Variants in ARFIP1 observed in about 807,000 individuals in gnomAD.
ARFIP1 encodes arfaptin-1.
In ARFIP1, 24 loss-of-function variants were observed where a neutral mutation model predicts 42.5. That is an observed-to-expected ratio of 0.57 (90% CI 0.41 to 0.80). The LOEUF (loss-of-function observed/expected upper bound fraction) is 0.80. Ranked by LOEUF, ARFIP1 falls within the 30% of genes least tolerant of loss-of-function variation. The pLI is 0.00. For missense variants in ARFIP1, 354 were observed against 434.0 expected (o/e 0.82, Z 1.64); for synonymous variants, 141 against 153.7 (o/e 0.92, Z 0.61).
intron 1 of ARFIP1, among the ~76,000 whole-genome samples, chr4:152,797,204 C>T (rs1731522741): frequency 6.6e-6 from 1 of 152,122 alleles, no homozygotes; most frequent in Admixed American, 6.6e-5. Context: ...ACCTAGTTTT[C>T]CTGGCACCAT....
intron 7 of ARFIP1, among the ~76,000 whole-genome samples, chr4:152,886,598 A>G (rs1736282213): frequency 6.6e-6 from 1 of 152,008 alleles, no homozygotes; most frequent in South Asian, 2.1e-4. Flanking sequence ...TCTGTCTGAG[A>G]TACCTTTTCA....
chr4:152,814,097 C>T (rs1185537503), intron 1 of ARFIP1, among the ~76,000 whole-genome samples: 1 of 110,882 alleles, frequency 9.0e-6, no homozygotes. Context: ...TCTTCTTCTT[C>T]TTTTTTTTTT....
At chr4:152,866,565 G>A (rs1386881859) in intron 3 of ARFIP1, among the ~76,000 whole-genome samples, 7 of 150,974 alleles carry the variant, frequency 4.6e-5, no homozygotes, top group Non-Finnish European at 8.9e-5. Flanking sequence ...CCTCCCTCCT[G>A]GACGGGGCGG....
intron 2 of ARFIP1, among the ~76,000 whole-genome samples, chr4:152,860,259 G>A (rs1561148675): frequency 6.6e-6 from 1 of 152,180 alleles, no homozygotes; most frequent in East Asian, 1.9e-4. Flanking sequence ...CTGGGGTTAT[G>A]CAGCCATTAA....
chr4:152,870,874 G>A lies in ARFIP1; in HGVS notation c.298+26G>A, dbSNP rs1346208726. 7 of 1,549,960 alleles carry A rather than the reference G, an allele frequency of 4.5e-6. No individual in the cohort carries two copies. The African/African-American group carries it at 9.5e-5, about 21-fold the overall frequency. On this transcript the variant is annotated intron_variant, in intron 4 of 8. Transcript: ENST00000353617. ...GTATTCACTGCACTGATTGGATAAA[G>A]CACTTATTGCTACTGCTGAAGCTAC...
At position 152,805,266 on chromosome 4, in the gene ARFIP1, A is replaced by G. The variant is rs567350691; in HGVS notation, c.-9-24359A>G. Among the ~76,000 whole-genome samples, 3 of 152,362 alleles carry G rather than the reference A, an allele frequency of 2.0e-5. No individual in the cohort carries two copies. In the East Asian group the frequency reaches 5.8e-4, roughly 29 times the overall value. ...TCTGATGTCAAGGTCTTATGTTGTA[A>G]GCAAATGAAACCAGTTCCAGCTCAT... On this transcript the variant is annotated intron_variant, in intron 1 of 8. Coordinates refer to ENST00000353617, the MANE Select transcript of ARFIP1 (RefSeq NM_001025595.3).
intron 2 of ARFIP1, among the ~76,000 whole-genome samples, chr4:152,854,679 G>A (rs1036799028): frequency 2.6e-5 from 4 of 152,178 alleles, no homozygotes. Context: ...TTTGATTCTT[G>A]TGCAAGCAGT....
intron 8 of ARFIP1, among the ~76,000 whole-genome samples, chr4:152,904,196 A>ATG (rs531633052): frequency 2.3e-5 from 2 of 88,052 alleles, no homozygotes; most frequent in Non-Finnish European, 4.4e-5. Context: ...ATATATATAT[A>ATG]TATTTTTTTT....
intron 1 of ARFIP1, among the ~76,000 whole-genome samples, chr4:152,820,572 A>AGGG (rs1428819224): frequency 6.6e-6 from 1 of 152,184 alleles, no homozygotes; most frequent in Non-Finnish European, 1.5e-5. Context: ...TGGAAGGTGA[A>AGGG]GGGGAAGCAG....
chr4:152,850,835 T>C (rs1732921368), intron 2 of ARFIP1: 1 of 152,196 alleles, frequency 6.6e-6, no homozygotes, highest in South Asian at 2.1e-4. Flanking sequence ...ATAATCAGTT[T>C]TATAAAACTC....
At chr4:152,884,026 A>G (rs567346733) in intron 7 of ARFIP1, among the ~76,000 whole-genome samples, 2 of 152,164 alleles carry the variant, frequency 1.3e-5, no homozygotes, top group Admixed American at 1.3e-4. Flanking sequence ...TATTAAATAT[A>G]TATTTCCTTA....
intron 5 of ARFIP1, among the ~76,000 whole-genome samples, chr4:152,874,673 G>GT (rs1367841322): frequency 6.6e-6 from 1 of 152,140 alleles, no homozygotes; most frequent in Non-Finnish European, 1.5e-5. Context: ...CTGTTTGTTT[G>GT]TTTGTTTGTG....
chr4:152,851,253 C>G (rs566783313), intron 2 of ARFIP1, among the ~76,000 whole-genome samples: 39 of 152,152 alleles, frequency 2.6e-4, no homozygotes, highest in African/African-American at 8.7e-4. Flanking sequence ...ATTTTAATAC[C>G]ATGTGAAAAA....
intron 1 of ARFIP1, among the ~76,000 whole-genome samples, chr4:152,793,992 G>A (rs1406910268): frequency 6.6e-6 from 1 of 151,954 alleles, no homozygotes; most frequent in African/African-American, 2.4e-5. Context: ...CTCTACCTTT[G>A]TTCAGAATTT....
intron 7 of ARFIP1, among the ~76,000 whole-genome samples, chr4:152,885,427 C>G (rs77941375): frequency 6.6e-6 from 1 of 151,996 alleles, no homozygotes; most frequent in African/African-American, 2.4e-5. Flanking sequence ...CAATTGTGGT[C>G]GAGACTTTTC....
chr4:152,881,902 A>G (rs530947922), intron 6 of ARFIP1, among the ~76,000 whole-genome samples: 2 of 152,338 alleles, frequency 1.3e-5, no homozygotes, highest in South Asian at 4.1e-4. Flanking sequence ...TTAATTTAAT[A>G]TTACATTATT....
At chr4:152,781,931 C>A (rs1276096474) in intron 1 of ARFIP1, among the ~76,000 whole-genome samples, 1 of 152,198 alleles carries the variant, frequency 6.6e-6, no homozygotes, top group Non-Finnish European at 1.5e-5. Flanking sequence ...ATTTTTTTCC[C>A]CCCTGGGGAA....
intron 1 of ARFIP1, among the ~76,000 whole-genome samples, chr4:152,817,675 G>A (rs948485195): frequency 3.3e-5 from 5 of 151,726 alleles, no homozygotes; most frequent in African/African-American, 9.7e-5. Context: ...CTATAGAATG[G>A]GAGAAAATAT....
At chr4:152,858,795 C>G (rs1733641274) in intron 2 of ARFIP1, among the ~76,000 whole-genome samples, 1 of 152,070 alleles carries the variant, frequency 6.6e-6, no homozygotes, top group Non-Finnish European at 1.5e-5. Flanking sequence ...TAATATATCA[C>G]TTAGTGGTCA....
Sources: gnomAD v4.1 joint callset for allele counts (sites outside exome capture counted in the v4.1 genomes callset) on GRCh38, gnomAD v4.1.1 for gene constraint, MANE v1.5 for transcripts, NCBI Gene and HGNC (gene_info 2026-07-23, HGNC 2026-07-21) for gene names.